The following MTUS2 variants were observed in gnomAD, a reference collection of about 807,000 sequenced individuals.
MTUS2 encodes microtubule associated scaffold protein 2, also known as microtubule-associated tumor suppressor candidate 2.
A neutral mutation model predicts 114.1 loss-of-function variants in MTUS2; 40 were observed. That is an observed-to-expected ratio of 0.35 (90% CI 0.27 to 0.46). The LOEUF (loss-of-function observed/expected upper bound fraction) is 0.46. Ranked by LOEUF, MTUS2 falls within the 20% of genes least tolerant of loss-of-function variation. The pLI is 1.00. For synonymous variants in MTUS2, 688 were observed against 672.0 expected (o/e 1.02, Z -0.37); for missense variants, 1,679 against 1,705.4 (o/e 0.98, Z 0.27).
chr13:29,010,275 AG>A (rs1444355244), intron 2 of MTUS2, among the ~76,000 whole-genome samples: 22 of 151,594 alleles, frequency 1.5e-4, no homozygotes, highest in African/African-American at 5.3e-4. Flanking sequence ...AGTCACACGC[AG>A]AATGCTTCCT....
At chr13:29,492,587 C>A in intron 11 of MTUS2, 59 bp from the exon 12 acceptor site, 1 of 1,411,962 alleles carries the variant, frequency 7.1e-7, no homozygotes, top group Non-Finnish European at 1.0e-6. Context: ...GCCAAAAGAG[C>A]CTTGTTTTAT....
chr13:29,251,572 C>T (rs1441883326), intron 5 of MTUS2, among the ~76,000 whole-genome samples: 2 of 152,168 alleles, frequency 1.3e-5, no homozygotes, highest in African/African-American at 2.4e-5. Context: ...ACTGACTCCC[C>T]ATTTATCCCT....
At chr13:29,416,082 ATT>A (rs139281629) in intron 8 of MTUS2, among the ~76,000 whole-genome samples, 1,911 of 127,696 alleles carry the variant, frequency 0.015, 27 homozygotes, top group South Asian at 0.053. Flanking sequence ...CACCCCACTA[ATT>A]TTTTTTTTTT....
intron 2 of MTUS2, among the ~76,000 whole-genome samples, chr13:28,902,023 A>G (rs1196474824): frequency 6.6e-6 from 1 of 152,150 alleles, no homozygotes; most frequent in African/African-American, 2.4e-5. Context: ...AGAATTTAAA[A>G]CTTTTCAGCT....
intron 7 of MTUS2, among the ~76,000 whole-genome samples, chr13:29,341,090 G>T (rs1901370028): frequency 6.6e-6 from 1 of 152,054 alleles, no homozygotes; most frequent in African/African-American, 2.4e-5. Flanking sequence ...TTGCAATTGT[G>T]AATTCTGCTG....
intron 2 of MTUS2, among the ~76,000 whole-genome samples, chr13:28,988,920 T>C (rs1274102542): frequency 3.9e-5 from 6 of 152,332 alleles, no homozygotes; most frequent in Admixed American, 1.3e-4. Flanking sequence ...ATTAGTTTAA[T>C]ATGAGAACAA....
intron 5 of MTUS2, among the ~76,000 whole-genome samples, chr13:29,271,337 G>C (rs1001721617): frequency 1.3e-5 from 2 of 152,118 alleles, no homozygotes; most frequent in African/African-American, 2.4e-5. Context: ...CTTTCTTCCT[G>C]AATTTTCCAT....
chr13:29,305,139 A>G lies in MTUS2; in HGVS notation c.2807-19474A>G, dbSNP rs566280790. 9.2e-5 allele frequency among the ~76,000 whole-genome samples: 14 copies of G among 152,298 alleles called. No homozygotes were observed. The East Asian group carries it at 2.7e-3, about 29-fold the overall frequency. ...ATCTCTGGGTTGCAACTAAAGCAGT[A>G]TTAAGAGGGAAATTTATAGCACTGA... On this transcript the variant is annotated intron_variant, in intron 6 of 15. Coordinates refer to ENST00000612955, the MANE Select transcript of MTUS2 (RefSeq NM_001033602.4).
chr13:29,104,048 T>A (rs1282123175), intron 5 of MTUS2, among the ~76,000 whole-genome samples: 1 of 152,152 alleles, frequency 6.6e-6, no homozygotes, highest in East Asian at 1.9e-4. Context: ...GGACATGAGA[T>A]GGCAGGACCA....
At chr13:28,992,099 TC>T (rs1003602058) in intron 2 of MTUS2, among the ~76,000 whole-genome samples, 2 of 152,186 alleles carry the variant, frequency 1.3e-5, no homozygotes, top group African/African-American at 4.8e-5. Flanking sequence ...ATCTCCCTTC[TC>T]TTCTCTGTAG....
At position 29,281,703 on chromosome 13, in the gene MTUS2, G is replaced by A; in HGVS notation, c.2645-1G>A. 1.2e-6 allele frequency: 2 copies of A among 1,603,932 alleles called. No homozygotes were observed. The highest frequency in any genetic ancestry group is 1.7e-6 in the Non-Finnish European group (2 of 1,173,174). On this transcript the variant is annotated splice_acceptor_variant, in intron 5 of 15. Coordinates refer to ENST00000612955, the MANE Select transcript of MTUS2 (RefSeq NM_001033602.4). LOFTEE classifies it high-confidence loss of function. The stretch of plus-strand genomic sequence containing the variant: ...ATTAACACGCTGTCTGCCTCCCACA[G>A]GTTCAACCTTTGGGAATGAAGAACA...
At chr13:29,337,756 C>T (rs544975299) in intron 7 of MTUS2, among the ~76,000 whole-genome samples, 4 of 150,434 alleles carry the variant, frequency 2.7e-5, no homozygotes, top group Admixed American at 6.6e-5. Context: ...TGCCTGCCAC[C>T]ACCCCTGGCT....
At chr13:29,361,786 A>G (rs2138241793) in intron 8 of MTUS2, among the ~76,000 whole-genome samples, 1 of 152,350 alleles carries the variant, frequency 6.6e-6, no homozygotes, top group African/African-American at 2.4e-5. Context: ...CATGACCTGT[A>G]TAGCCTGAAA....
At chr13:29,331,011 A>G (rs555833305) in intron 7 of MTUS2, among the ~76,000 whole-genome samples, 1 of 152,154 alleles carries the variant, frequency 6.6e-6, no homozygotes, top group Non-Finnish European at 1.5e-5. Flanking sequence ...CACTGAATCT[A>G]TGAATTACTT....
chr13:29,485,315 A>G (rs1454095360), intron 10 of MTUS2: 2 of 152,704 alleles, frequency 1.3e-5, no homozygotes, highest in East Asian at 3.8e-4. Flanking sequence ...TGCTGTAGAA[A>G]GAAGCCAAGA....
chr13:29,253,435 AT>A (rs1201828848), intron 5 of MTUS2, among the ~76,000 whole-genome samples: 1 of 152,032 alleles, frequency 6.6e-6, no homozygotes, highest in Non-Finnish European at 1.5e-5. Flanking sequence ...CAAAAAAAAA[AT>A]TAAAAATATA....
At chr13:28,831,932 A>ATT (rs556746551) in intron 1 of MTUS2, among the ~76,000 whole-genome samples, 14 of 144,452 alleles carry the variant, frequency 9.7e-5, no homozygotes, top group East Asian at 2.0e-4. Context: ...ATTTTTTTGT[A>ATT]TTTTTTTTTT....
At chr13:29,196,196 A>G (rs1329856826) in intron 5 of MTUS2, among the ~76,000 whole-genome samples, 2 of 151,424 alleles carry the variant, frequency 1.3e-5, no homozygotes, top group African/African-American at 2.4e-5. Context: ...TGCTGGGTTC[A>G]AGCAATTCTC....
At chr13:29,389,243 A>ATATATGTATATATGTATACACATGTGTG (rs1555272308) in intron 8 of MTUS2, among the ~76,000 whole-genome samples, 1 of 121,958 alleles carries the variant, frequency 8.2e-6, no homozygotes, top group African/African-American at 3.3e-5. Context: ...GTATGTGTGT[A>ATATATGTATATATGTATACACATGTGTG]TATATATGTA....
Sources: allele counts gnomAD v4.1 joint callset (sites outside exome capture counted in the v4.1 genomes callset), GRCh38; gene constraint gnomAD v4.1.1; transcripts MANE v1.5; gene names NCBI Gene and HGNC (gene_info 2026-07-23, HGNC 2026-07-21).